The following ERG variants were observed in gnomAD, a reference collection of about 807,000 sequenced individuals.
ERG encodes the protein ETS transcription factor ERG, also known as transcriptional regulator ERG.
ERG carries 9 observed loss-of-function variants against 55.3 expected under a neutral mutation model. The observed-to-expected ratio is 0.16, with a 90% confidence interval of 0.10 to 0.28. The LOEUF is 0.28. ERG is among the 10% of genes least tolerant of loss of function. The pLI is 1.00. For synonymous variants in ERG, 223 were observed against 237.3 expected (o/e 0.94, Z 0.55); for missense variants, 434 against 631.6 (o/e 0.69, Z 3.35).
chr21:38,627,525 A>C (rs1291322038), intron 1 of ERG, among the ~76,000 whole-genome samples: 2 of 152,332 alleles, frequency 1.3e-5, no homozygotes, highest in Non-Finnish European at 1.5e-5. Context: ...TCAGCTGAAC[A>C]ACATGCTTAG....
chr21:38,420,151 TG>T (rs1289789632), intron 3 of ERG, among the ~76,000 whole-genome samples: 1 of 152,116 alleles, frequency 6.6e-6, no homozygotes, highest in Non-Finnish European at 1.5e-5. Flanking sequence ...TTTGCACACA[TG>T]GGGTACTCCG....
At chr21:38,503,619 G>A (rs2059437692) in intron 2 of ERG, among the ~76,000 whole-genome samples, 1 of 152,110 alleles carries the variant, frequency 6.6e-6, no homozygotes, top group African/African-American at 2.4e-5. Context: ...CCCATGAAAC[G>A]CAGGTTTTTA....
At chr21:38,567,839 G>A (rs1381931328) in intron 2 of ERG, among the ~76,000 whole-genome samples, 1 of 152,112 alleles carries the variant, frequency 6.6e-6, no homozygotes, top group Admixed American at 6.5e-5. Flanking sequence ...CATCTGCTTC[G>A]TGTTATTGAA....
chr21:38,439,670 A>T (rs1293047282), intron 2 of ERG, among the ~76,000 whole-genome samples: 1 of 152,264 alleles, frequency 6.6e-6, no homozygotes, highest in African/African-American at 2.4e-5. Flanking sequence ...GCAGTGGCCA[A>T]GCCAAACCCA....
intron 2 of ERG, among the ~76,000 whole-genome samples, chr21:38,549,704 G>C (rs1305378568): frequency 6.6e-6 from 1 of 151,526 alleles, no homozygotes; most frequent in African/African-American, 2.4e-5. Context: ...CAGTAATACA[G>C]AAATGAATAT....
intron 1 of ERG, among the ~76,000 whole-genome samples, chr21:38,472,313 T>A (rs1181468425): frequency 1.3e-5 from 2 of 152,208 alleles, no homozygotes; most frequent in African/African-American, 4.8e-5. Flanking sequence ...CAATGGGTGT[T>A]ACACTAGCCA....
At chr21:38,481,460 TGG>T (rs2059237830) in intron 1 of ERG, among the ~76,000 whole-genome samples, 2 of 152,238 alleles carry the variant, frequency 1.3e-5, no homozygotes, top group African/African-American at 2.4e-5. Flanking sequence ...ACATTTTCAT[TGG>T]CCTATATATA....
At chr21:38,461,685 G>A (rs1023695501) in intron 1 of ERG, among the ~76,000 whole-genome samples, 12 of 152,188 alleles carry the variant, frequency 7.9e-5, no homozygotes, top group Admixed American at 6.5e-4. Context: ...AATTAGCCCA[G>A]ACATTAAAGA....
intron 9 of ERG, among the ~76,000 whole-genome samples, chr21:38,387,377 TCA>T (rs2146419682): frequency 6.6e-6 from 1 of 152,276 alleles, no homozygotes; most frequent in African/African-American, 2.4e-5. Flanking sequence ...GCCCCGAGGC[TCA>T]GTGAGGCTCA....
chr21:38,450,115 G>A (rs961649305), intron 1 of ERG, among the ~76,000 whole-genome samples: 2 of 151,958 alleles, frequency 1.3e-5, no homozygotes, highest in Non-Finnish European at 2.9e-5. Flanking sequence ...TCTTGGTTCG[G>A]GCATGGTGGC....
rs144857810 is a variant in ERG, at chr21:38,481,639, C to T, written c.18+16724G>A. The stretch of plus-strand genomic sequence containing the variant: ...TCTTGAAACTGAATACAAAAACAAA[C>T]GTAGCTATTATTGAAAATGTTATGC... On this transcript the variant is annotated intron_variant, in intron 1 of 9. Transcript: ENST00000288319. Among the ~76,000 whole-genome samples the T allele has an allele frequency of 9.3e-4, 141 of 152,204 alleles. 3 individuals are homozygous for T. In the East Asian group the frequency reaches 0.024, roughly 25 times the overall value.
chr21:38,533,822 T>G (rs2146778000), intron 2 of ERG, among the ~76,000 whole-genome samples: 1 of 152,320 alleles, frequency 6.6e-6, no homozygotes, highest in East Asian at 1.9e-4. Flanking sequence ...GCTGCTCAAC[T>G]GATATTTAGC....
chr21:38,522,154 C>T (rs2059599663), intron 2 of ERG, among the ~76,000 whole-genome samples: 1 of 151,870 alleles, frequency 6.6e-6, no homozygotes, highest in South Asian at 2.1e-4. Flanking sequence ...TGAGTAAGCC[C>T]CCAGGAAAAA....
chr21:38,652,374 T>C (rs1481947705), intron 1 of ERG, among the ~76,000 whole-genome samples: 2 of 149,490 alleles, frequency 1.3e-5, no homozygotes, highest in African/African-American at 4.9e-5. Context: ...CATGATTCTA[T>C]TTTATGTTAT....
rs368906916 is a variant in ERG, at chr21:38,551,060, GT to G, written c.-41+24601del. Among the ~76,000 whole-genome samples the G allele has an allele frequency of 2.2e-4, 34 of 152,234 alleles. No individual in the cohort carries two copies. The East Asian group carries it at 6.6e-3, about 29-fold the overall frequency. On this transcript the variant is annotated intron_variant, in intron 2 of 8. Coordinates refer to the ERG transcript ENST00000398897. ...AGGAAAAATAACTATTTCTTTCCTG[GT>G]TCAATCTTGGGGTGTTGTATGTTTC...
Position 38,596,901 on chromosome 21 carries a change from A to G in ERG, c.-149-11956T>C, listed in dbSNP as rs543259343. Among the ~76,000 whole-genome samples, 9 of 147,142 alleles carry G rather than the reference A, an allele frequency of 6.1e-5. No individual in the cohort carries two copies. The East Asian group carries it at 1.9e-3, about 31-fold the overall frequency. On this transcript the variant is annotated intron_variant, in intron 1 of 10. Coordinates refer to the ERG transcript ENST00000398910. ...GGAAGACTCAGACATCACACCACCC[A>G]CCTTCAACTCAGTCACATCCACCTA...
At chr21:38,597,258 T>C (rs2060136704) in intron 1 of ERG, among the ~76,000 whole-genome samples, 1 of 152,180 alleles carries the variant, frequency 6.6e-6, no homozygotes, top group Admixed American at 6.5e-5. Flanking sequence ...GTTATAAATA[T>C]GGATCAATAT....
chr21:38,453,324 A>T (rs935211105), intron 1 of ERG, among the ~76,000 whole-genome samples: 1 of 152,246 alleles, frequency 6.6e-6, no homozygotes, highest in Non-Finnish European at 1.5e-5. Context: ...ATATTGTGAA[A>T]GATTGGAGCA....
upstream of ERG, among the ~76,000 whole-genome samples, chr21:38,502,248 A>G (rs1273324996): frequency 6.6e-6 from 1 of 152,268 alleles, no homozygotes; most frequent in Non-Finnish European, 1.5e-5. Flanking sequence ...GTAGATGAAC[A>G]CTTAGCAATA....
Sources: gnomAD v4.1 joint callset for allele counts (sites outside exome capture counted in the v4.1 genomes callset) on GRCh38, gnomAD v4.1.1 for gene constraint, MANE v1.5 for transcripts, NCBI Gene and HGNC (gene_info 2026-07-23, HGNC 2026-07-21) for gene names.